Variants in ZNF638 observed in about 807,000 individuals in gnomAD.
ZNF638 encodes the protein zinc finger protein 638.
ZNF638 carries 46 observed loss-of-function variants against 195.6 expected under a neutral mutation model. The observed-to-expected ratio is 0.24, with a 90% CI of 0.19 to 0.30. The LOEUF (loss-of-function observed/expected upper bound fraction) is 0.30, where lower values mean the gene tolerates loss of function less well. Ranked by LOEUF, ZNF638 falls within the 10% of genes least tolerant of loss-of-function variation. The pLI is 1.00. For synonymous variants in ZNF638, 845 were observed against 772.0 expected (o/e 1.09, Z -1.57); for missense variants, 2,440 against 2,325.3 (o/e 1.05, Z -1.01).
At chr2:71,392,885 A>G (rs1393772977) in intron 10 of ZNF638, among the ~76,000 whole-genome samples, 2 of 152,218 alleles carry the variant, frequency 1.3e-5, no homozygotes, top group African/African-American at 4.8e-5. Context: ...ATACTAAGAT[A>G]TGTACATGTA....
At chr2:71,400,370 A>G (rs2079982200) in intron 14 of ZNF638, 108 bp from the exon 15 acceptor site, 4 of 1,160,012 alleles carry the variant, frequency 3.4e-6, no homozygotes, top group South Asian at 3.0e-5. Context: ...AATTCTCTAG[A>G]CTTGTTGTAT....
intron 20 of ZNF638, among the ~76,000 whole-genome samples, chr2:71,410,663 G>T (rs1321885736): frequency 6.6e-6 from 1 of 152,172 alleles, no homozygotes; most frequent in East Asian, 1.9e-4. Context: ...GTGGTAAAAA[G>T]ACTGTGAATA....
chr2:71,387,729 A>G (rs1194539591), intron 10 of ZNF638, among the ~76,000 whole-genome samples: 2 of 152,220 alleles, frequency 1.3e-5, no homozygotes, highest in Non-Finnish European at 2.9e-5. Context: ...ATGATACATA[A>G]GATGATAACA....
chr2:71,332,708 A>G (rs76994670), intron 1 of ZNF638: 1 of 152,184 alleles, frequency 6.6e-6, no homozygotes, highest in Non-Finnish European at 1.5e-5. Flanking sequence ...TTTGAAATAG[A>G]TCTTTTGTTG....
At chr2:71,430,747 T>C (rs1005552710) in intron 25 of ZNF638, among the ~76,000 whole-genome samples, 2 of 152,222 alleles carry the variant, frequency 1.3e-5, no homozygotes, top group African/African-American at 4.8e-5. Context: ...CTACTGAGGG[T>C]AATCAGAATT....
intron 1 of ZNF638, among the ~76,000 whole-genome samples, chr2:71,345,535 A>C (rs2078836464): frequency 6.6e-6 from 1 of 152,016 alleles, no homozygotes; most frequent in Admixed American, 6.6e-5. Context: ...AGTTGGAAAA[A>C]ACCAACATGC....
At chr2:71,388,369 TC>T (rs919994258) in intron 10 of ZNF638, 108 of 599,608 alleles carry the variant, frequency 1.8e-4, no homozygotes, top group Non-Finnish European at 3.0e-4. Context: ...TGACCTTTGA[TC>T]ATCCGACCTT....
chr2:71,376,608 C>CG (rs2079431002), intron 8 of ZNF638, among the ~76,000 whole-genome samples: 1 of 152,080 alleles, frequency 6.6e-6, no homozygotes, highest in African/African-American at 2.4e-5. Flanking sequence ...AAAACTTACC[C>CG]GCCCAACATT....
chr2:71,349,139 A>C lies in ZNF638; in HGVS notation c.185A>C (p.Gln62Pro). 2 of 1,614,226 alleles carry C rather than the reference A, an allele frequency of 1.2e-6. No homozygotes were observed. Among genetic ancestry groups the C allele is most frequent in the Non-Finnish European group, 1.7e-6 (2 of 1,180,038 alleles). Residue 62 changes from glutamine to proline, a missense_variant, in exon 2 of 28, where the codon CAG becomes CCG. Gln to Pro is a moderately conservative substitution (Grantham distance 76). Around this residue, in one of 5 missense-constraint regions of ZNF638, gnomAD observed 191 missense variants for 173.8 expected, o/e 1.10. Coordinates refer to ENST00000264447, the MANE Select transcript of ZNF638 (RefSeq NM_014497.5). ...PHRFAGHESY[Q>P]NMGPQRMNVQ... ...AGATTTGCTGGCCATGAATCTTATC[A>C]GAACATGGGGCCACAGAGAATGAAT... is the stretch of plus-strand genomic sequence containing the variant.
chr2:71,418,924 C>G (rs945735273), intron 21 of ZNF638, among the ~76,000 whole-genome samples: 2 of 152,120 alleles, frequency 1.3e-5, no homozygotes, highest in Non-Finnish European at 2.9e-5. Context: ...TGTTTTAAGA[C>G]TCTCGAATAA....
rs374941689 is a variant in ZNF638, at chr2:71,390,083, A to G, written c.2378-6058A>G. Among the ~76,000 whole-genome samples the G allele has an allele frequency of 4.7e-4, 72 of 152,324 alleles. No individual in the cohort carries two copies. In the South Asian group the frequency reaches 0.014, roughly 31 times the overall value. On this transcript the variant is annotated intron_variant, in intron 10 of 27. Coordinates refer to ENST00000264447, the MANE Select transcript of ZNF638 (RefSeq NM_014497.5). ...CCACTAGTAGAGACCAAGGTAACTC[A>G]GCAAAAGAACCCCCTTCTATATGCC...
intron 23 of ZNF638, among the ~76,000 whole-genome samples, chr2:71,425,856 G>A (rs1206473354): frequency 1.3e-5 from 2 of 151,970 alleles, no homozygotes; most frequent in Non-Finnish European, 2.9e-5. Context: ...GTAGAGCTGG[G>A]GTTTCACCAT....
At position 71,348,916 on chromosome 2, in the gene ZNF638, C is replaced by G; in HGVS notation, c.-39C>G. Reference sequence around the variant, plus strand: ...CGTTGCCTCACATGGTTCAACACCACCTTATACTTTATTAAATCAGGCTTT... The same window carrying G: ...CGTTGCCTCACATGGTTCAACACCAGCTTATACTTTATTAAATCAGGCTTT... On this transcript the variant is annotated 5_prime_UTR_variant, in exon 2 of 28. Coordinates refer to ENST00000264447, the MANE Select transcript of ZNF638 (RefSeq NM_014497.5). 2 of 1,614,166 alleles carry G rather than the reference C, an allele frequency of 1.2e-6. No homozygotes were observed. Among genetic ancestry groups the G allele is most frequent in the Non-Finnish European group, 1.7e-6 (2 of 1,180,024 alleles).
chr2:71,427,993 A>C (rs1410523392), intron 24 of ZNF638, among the ~76,000 whole-genome samples: 1 of 152,064 alleles, frequency 6.6e-6, no homozygotes, highest in African/African-American at 2.4e-5. Flanking sequence ...GGAGTGCGAC[A>C]CCAGTCTGGG....
chr2:71,408,043 T>A, intron 19 of ZNF638, 79 bp from the exon 20 acceptor site: 1 of 1,374,666 alleles, frequency 7.3e-7, no homozygotes, highest in Non-Finnish European at 1.0e-6. Flanking sequence ...TACTAAAAAG[T>A]GGAATTGTTG....
chr2:71,414,392 G>A (rs373959066), intron 20 of ZNF638, among the ~76,000 whole-genome samples: 2 of 13,864 alleles, frequency 1.4e-4, no homozygotes, highest in African/African-American at 6.2e-4. Context: ...TCTTGCTAGC[G>A]GTCTATCAAT....
chr2:71,351,508 A>T (rs2078939952), intron 2 of ZNF638, among the ~76,000 whole-genome samples: 1 of 152,212 alleles, frequency 6.6e-6, no homozygotes, highest in Non-Finnish European at 1.5e-5. Flanking sequence ...CTAAGTAGTG[A>T]ATTGAGTGTT....
intron 25 of ZNF638, 60 bp downstream of exon 25, chr2:71,428,711 T>C (rs1383566497): frequency 2.1e-6 from 3 of 1,414,474 alleles, no homozygotes; most frequent in Admixed American, 2.0e-5. Flanking sequence ...GTAGTTGAAG[T>C]TTAAAGATCT....
Position 71,349,739 on chromosome 2 carries a change from T to C in ZNF638, c.785T>C (p.Met262Thr). 1.2e-6 allele frequency: 2 copies of C among 1,614,248 alleles called. No individual in the cohort carries two copies. Among genetic ancestry groups the C allele is most frequent in the East Asian group, 2.2e-5 (1 of 44,878 alleles). ...VPNPNVICNS[M>T]FPVEDVFRQM... ...AATCCAAATGTGATATGTAATTCTA[T>C]GTTTCCTGTTGAAGACGTATTTCGC... is the stretch of plus-strand genomic sequence containing the variant. Residue 262 changes from methionine to threonine, a missense_variant, in exon 2 of 28, where the codon ATG becomes ACG. By Grantham distance (81) the Met-to-Thr change is moderately conservative (BLOSUM62 -1). Transcript: ENST00000264447.
Sources: allele counts gnomAD v4.1 joint callset (sites outside exome capture counted in the v4.1 genomes callset), GRCh38; gene constraint gnomAD v4.1.1; regional missense constraint gnomAD v4.1.1; transcripts MANE v1.5; gene names NCBI Gene and HGNC (gene_info 2026-07-23, HGNC 2026-07-21).